The following PSMD14 variants were observed in gnomAD, a reference collection of about 807,000 sequenced individuals.
PSMD14 encodes the protein proteasome 26S subunit, non-ATPase 14.
In PSMD14, 7 loss-of-function variants were observed where a neutral mutation model predicts 41.2. That is an observed-to-expected ratio of 0.17 (90% CI 0.10 to 0.32). The LOEUF (loss-of-function observed/expected upper bound fraction) is 0.32, where lower values mean the gene tolerates loss of function less well. PSMD14 is among the 10% of genes least tolerant of loss of function. The probability of loss-of-function intolerance (pLI) is 1.00; values close to 1 mark genes in which losing one functional copy is unlikely to be tolerated. For synonymous variants in PSMD14, 114 were observed against 122.3 expected (o/e 0.93, Z 0.45); for missense variants, 139 against 375.6 (o/e 0.37, Z 5.21).
intron 8 of PSMD14, among the ~76,000 whole-genome samples, chr2:161,389,912 T>TTTTTTTTTTTTTTG (rs1299369817): frequency 7.7e-6 from 1 of 130,246 alleles, no homozygotes; most frequent in Non-Finnish European, 1.6e-5. Flanking sequence ...TTTTTTTTTT[T>TTTTTTTTTTTTTTG]AGAGATGGGG....
At chr2:161,377,916 G>T (rs1005063610) in intron 7 of PSMD14, among the ~76,000 whole-genome samples, 2 of 151,836 alleles carry the variant, frequency 1.3e-5, no homozygotes, top group African/African-American at 4.8e-5. Flanking sequence ...AGAAGAATAC[G>T]ATCTACTCCC....
At chr2:161,347,168 G>A (rs564170048) in intron 3 of PSMD14, among the ~76,000 whole-genome samples, 3 of 152,228 alleles carry the variant, frequency 2.0e-5, no homozygotes, top group African/African-American at 4.8e-5. Context: ...TTTGGAGATC[G>A]TTGTTCTTTG....
chr2:161,323,648 G>A (rs1682650843), intron 3 of PSMD14, among the ~76,000 whole-genome samples: 1 of 151,682 alleles, frequency 6.6e-6, no homozygotes, highest in Non-Finnish European at 1.5e-5. Flanking sequence ...GGGTGACAGA[G>A]TGAGACTATG....
At chr2:161,351,493 C>CT (rs1206388138) in intron 3 of PSMD14, among the ~76,000 whole-genome samples, 2 of 152,166 alleles carry the variant, frequency 1.3e-5, no homozygotes, top group African/African-American at 4.8e-5. Flanking sequence ...CATTATATTA[C>CT]TTTTTGTAGG....
At chr2:161,371,562 A>G (rs1404033255) in intron 7 of PSMD14, among the ~76,000 whole-genome samples, 1 of 152,104 alleles carries the variant, frequency 6.6e-6, no homozygotes, top group East Asian at 1.9e-4. Flanking sequence ...TTATCTTTAA[A>G]TTTTTTGAAT....
At chr2:161,339,371 G>A (rs1682915437) in intron 3 of PSMD14, among the ~76,000 whole-genome samples, 1 of 151,812 alleles carries the variant, frequency 6.6e-6, no homozygotes, top group Non-Finnish European at 1.5e-5. Flanking sequence ...GTTTTAATTT[G>A]CATTTTCTGG....
intron 7 of PSMD14, among the ~76,000 whole-genome samples, chr2:161,378,751 C>T (rs1683536098): frequency 6.6e-6 from 1 of 151,948 alleles, no homozygotes; most frequent in Non-Finnish European, 1.5e-5. Flanking sequence ...CTGGTTGTGT[C>T]ATTTCATTTA....
intron 3 of PSMD14, among the ~76,000 whole-genome samples, chr2:161,353,737 T>C (rs1440165356): frequency 6.6e-6 from 1 of 152,234 alleles, no homozygotes; most frequent in Admixed American, 6.5e-5. Flanking sequence ...CCTTCTACTT[T>C]GTAAACATTT....
chr2:161,394,987 TG>T (rs1034123446), intron 9 of PSMD14, 90 bp from the exon 10 acceptor site: 144 of 1,059,390 alleles, frequency 1.4e-4, no homozygotes, highest in East Asian at 6.9e-4. Flanking sequence ...TAAGTCGAAA[TG>T]TTTTTTTTTT....
At chr2:161,340,896 C>T (rs1682944748) in intron 3 of PSMD14, 2 of 1,613,932 alleles carry the variant, frequency 1.2e-6, no homozygotes, top group Non-Finnish European at 8.5e-7. Flanking sequence ...CTTCCCGGGG[C>T]TGTATTTGAA....
chr2:161,344,114 C>T (rs912439124), intron 3 of PSMD14, among the ~76,000 whole-genome samples: 3 of 107,244 alleles, frequency 2.8e-5, no homozygotes, highest in African/African-American at 7.5e-5. Context: ...AGACTTGGTG[C>T]GGGGGGGTGG....
At chr2:161,364,277 A>G (rs1683328545) in intron 3 of PSMD14, among the ~76,000 whole-genome samples, 1 of 152,052 alleles carries the variant, frequency 6.6e-6, no homozygotes, top group Non-Finnish European at 1.5e-5. Context: ...TTCAGCTGCC[A>G]GTATCATCTT....
At chr2:161,410,671 T>C (rs1684011948) in intron 11 of PSMD14, among the ~76,000 whole-genome samples, 1 of 152,072 alleles carries the variant, frequency 6.6e-6, no homozygotes, top group South Asian at 2.1e-4. Flanking sequence ...TATGATACAT[T>C]TTTTTCAAAA....
At chr2:161,345,635 T>C (rs976123486) in intron 3 of PSMD14, among the ~76,000 whole-genome samples, 1 of 152,186 alleles carries the variant, frequency 6.6e-6, no homozygotes, top group African/African-American at 2.4e-5. Flanking sequence ...TATTCATTGA[T>C]GTAGTTTTCT....
At chr2:161,367,298 G>T (rs2105256020) in intron 3 of PSMD14, among the ~76,000 whole-genome samples, 180 bp from the exon 4 acceptor site, 1 of 152,254 alleles carries the variant, frequency 6.6e-6, no homozygotes, top group Non-Finnish European at 1.5e-5. Flanking sequence ...AGTTTTACCT[G>T]TTTTCTACAG....
At chr2:161,326,703 C>T (rs760629141) in intron 3 of PSMD14, among the ~76,000 whole-genome samples, 4 of 152,122 alleles carry the variant, frequency 2.6e-5, no homozygotes, top group Non-Finnish European at 5.9e-5. Flanking sequence ...TACACTCATT[C>T]CTTAGTATCC....
At chr2:161,341,769 G>A (rs1296750778) in intron 3 of PSMD14, among the ~76,000 whole-genome samples, 1 of 148,598 alleles carries the variant, frequency 6.7e-6, no homozygotes, top group Non-Finnish European at 1.5e-5. Flanking sequence ...AACCCGGGAG[G>A]CAAAGGTTGC....
At chr2:161,367,055 T>C (rs1353553334) in intron 3 of PSMD14, among the ~76,000 whole-genome samples, 1 of 152,200 alleles carries the variant, frequency 6.6e-6, no homozygotes, top group Non-Finnish European at 1.5e-5. Context: ...TCTCCTCCAC[T>C]GTTGTGATGA....
intron 3 of PSMD14, among the ~76,000 whole-genome samples, chr2:161,367,048 C>T (rs933870481): frequency 2.6e-5 from 4 of 152,194 alleles, no homozygotes; most frequent in Admixed American, 2.6e-4. Flanking sequence ...TTCCCCTTCT[C>T]CTCCACTGTT....
Sources: gnomAD v4.1 joint callset for allele counts (sites outside exome capture counted in the v4.1 genomes callset) on GRCh38, gnomAD v4.1.1 for gene constraint, MANE v1.5 for transcripts, NCBI Gene and HGNC (gene_info 2026-07-23, HGNC 2026-07-21) for gene names.